Variants in SNX15 observed in about 807,000 individuals in gnomAD.
SNX15 encodes sorting nexin-15.
In SNX15, 29 loss-of-function variants were observed where a neutral mutation model predicts 35.2. The observed-to-expected ratio is 0.82, with a 90% CI of 0.61 to 1.12. SNX15 has a LOEUF of 1.12. Ranked by LOEUF, SNX15 falls within the 50% of genes most tolerant of loss-of-function variation. The pLI, the probability that SNX15 is intolerant of heterozygous loss-of-function variation, is 0.00. For synonymous variants in SNX15, 189 were observed against 188.2 expected (o/e 1.00, Z -0.03); for missense variants, 400 against 451.5 (o/e 0.89, Z 1.03).
chr11:65,038,521 C>T, intron 6 of SNX15, 51 bp from the exon 7 acceptor site: 2 of 1,500,730 alleles, frequency 1.3e-6, no homozygotes, highest in Non-Finnish European at 1.8e-6. Context: ...GGGCAGAGGG[C>T]CTGGGAAAGG....
chr11:65,035,094 G>C lies in SNX15; in HGVS notation c.408G>C (p.Arg136Ser). 1 of 1,612,216 alleles carries C rather than the reference G, an allele frequency of 6.2e-7. No individual in the cohort carries two copies. The highest frequency in any genetic ancestry group is 2.2e-5 in the East Asian group (1 of 44,808). The change falls in exon 5 of 8, where the codon AGG becomes AGC. Residue 136 changes from arginine to serine, a missense_variant. By Grantham distance (110) the Arg-to-Ser change is moderately radical. Transcript: ENST00000377244. ...GEVTRPLEVS[R>S]DLHILPPPLI... The stretch of plus-strand genomic sequence containing the variant: ...TGACCCGACCCTTGGAGGTGTCCAG[G>C]GACCTACACATCCTGCCACCCCCTC...
chr11:65,029,252 C>T lies in SNX15; in HGVS notation c.99+1616C>T, dbSNP rs925765401. 5.3e-5 allele frequency among the ~76,000 whole-genome samples: 8 copies of T among 151,300 alleles called. No individual in the cohort carries two copies. In the East Asian group the frequency reaches 5.9e-4, roughly 11 times the overall value. Reference sequence around the variant, plus strand: ...CAGCTCACTGCAAACTTCCGTCGCCCGGGTTCAGATTCTCCCACCTCAACC... The same window carrying T: ...CAGCTCACTGCAAACTTCCGTCGCCTGGGTTCAGATTCTCCCACCTCAACC... On this transcript the variant is annotated intron_variant, in intron 1 of 7. Transcript: ENST00000377244.
Position 65,039,855 on chromosome 11 carries a change from A to T in SNX15, c.*63A>T. The T allele has an allele frequency of 8.7e-7, 1 of 1,146,094 alleles. No homozygotes were observed. Among genetic ancestry groups the T allele is most frequent in the Non-Finnish European group, 1.3e-6 (1 of 776,614 alleles). 71.0% of individuals were successfully genotyped at this position (1,146,094 alleles called of 1,614,324 possible). A position where few individuals can be genotyped will look rare whatever the true frequency, so the allele number is the denominator to read the frequency against. On this transcript the variant is annotated 3_prime_UTR_variant, in exon 8 of 8. Coordinates refer to ENST00000377244, the MANE Select transcript of SNX15 (RefSeq NM_013306.5). The stretch of plus-strand genomic sequence containing the variant: ...ACTGCCAGCCCCTTCTCCTCTCCCC[A>T]GGGCCTGGCCCTACCTCCTGGTCTT...
chr11:65,029,026 G>A (rs936210540), intron 1 of SNX15, among the ~76,000 whole-genome samples: 1 of 152,048 alleles, frequency 6.6e-6, no homozygotes, highest in African/African-American at 2.4e-5. Flanking sequence ...GGGAGGTGGA[G>A]CTTGCAGTGA....
At chr11:65,039,113 C>G (rs746667039) in intron 7 of SNX15, among the ~76,000 whole-genome samples, 2 of 146,268 alleles carry the variant, frequency 1.4e-5, no homozygotes, top group African/African-American at 5.0e-5. Flanking sequence ...AACCTCCGCC[C>G]CCCAGGTTCA....
intron 3 of SNX15, among the ~76,000 whole-genome samples, chr11:65,032,844 A>T (rs1484875839): frequency 1.3e-5 from 2 of 151,928 alleles, no homozygotes; most frequent in Non-Finnish European, 2.9e-5. Flanking sequence ...AAGGAAAAAA[A>T]ATCCTGTCTT....
At position 65,040,041 on chromosome 11, in the gene SNX15, G is replaced by A. The variant is rs373625640; in HGVS notation, c.*249G>A. On this transcript the variant is annotated 3_prime_UTR_variant, in exon 8 of 8. Transcript: ENST00000377244. ...TTTTGAGTTGGAGTCTCGCTGTGTC[G>A]CCCAGACTGGAGTGCAGTGGTGGGA... The A allele has an allele frequency of 7.5e-5, 31 of 415,970 alleles. No homozygotes were observed. The highest frequency in any genetic ancestry group is 1.1e-4 in the Non-Finnish European group (25 of 225,210). The allele number at this position is 415,970 out of a possible 1,614,324, so 25.8% of individuals were successfully genotyped here. A position where few individuals can be genotyped will look rare whatever the true frequency, so the allele number is the denominator to read the frequency against.
chr11:65,028,960 G>C (rs1051383352), intron 1 of SNX15, among the ~76,000 whole-genome samples: 1 of 151,838 alleles, frequency 6.6e-6, no homozygotes, highest in African/African-American at 2.4e-5. Flanking sequence ...GCGTGGCAGC[G>C]TGCACCTGTA....
At chr11:65,038,893 C>T (rs763522834) in intron 7 of SNX15, 64 bp downstream of exon 7, 375 of 1,352,770 alleles carry the variant, frequency 2.8e-4, no homozygotes, top group Non-Finnish European at 3.5e-4. Context: ...ATGAAGGGAG[C>T]AAAAAAACAA....
chr11:65,029,666 T>A (rs1304096385), intron 1 of SNX15, among the ~76,000 whole-genome samples: 1 of 151,876 alleles, frequency 6.6e-6, no homozygotes, highest in Non-Finnish European at 1.5e-5. Flanking sequence ...AGCCTCCACC[T>A]CCTGGGTTCA....
rs142074663 is a variant in SNX15 at position 65,035,529 on chromosome 11, C to T, written c.530C>T (p.Pro177Leu). The change falls in exon 6 of 8, where the codon CCA (proline) becomes CTA (leucine). Residue 177 changes from proline to leucine, a missense_variant. Pro to Leu is a moderately conservative substitution (Grantham distance 98). Coordinates refer to ENST00000377244, the MANE Select transcript of SNX15 (RefSeq NM_013306.5). ...CTTATCTCTTCCTCAGTGGACCCCC[C>T]ACCATCCAGCCCTGCCCAGGAGGCC... ...LEELEVPVDP[P>L]PSSPAQEALD... 75 of 1,596,592 alleles carry T rather than the reference C, an allele frequency of 4.7e-5. No individual in the cohort carries two copies. The African/African-American group carries it at 1.0e-3, about 21-fold the overall frequency.
At position 65,039,771 on chromosome 11, in the gene SNX15, C is replaced by G; in HGVS notation, c.1008C>G (p.His336Gln). The change falls in exon 8 of 8, where the codon CAC becomes CAG. Residue 336 changes from histidine to glutamine, a missense_variant. Physicochemically the swap from His to Gln is conservative, Grantham distance 24. Transcript: ENST00000377244. ...LKRAEEILRLHLSQLPP is the reference protein window; with the variant it reads ...LKRAEEILRLQLSQLPP ...GGGCAGAGGAGATCCTGCGCCTGCACCTGTCTCAACTCCCACCCTAACAGG... is the reference window on the plus strand; with the variant it reads ...GGGCAGAGGAGATCCTGCGCCTGCAGCTGTCTCAACTCCCACCCTAACAGG... The G allele has an allele frequency of 6.2e-7, 1 of 1,612,356 alleles. No individual in the cohort carries two copies. The highest frequency in any genetic ancestry group is 8.5e-7 in the Non-Finnish European group (1 of 1,179,054).
At chr11:65,038,388 C>G in intron 6 of SNX15, 184 bp from the exon 7 acceptor site, 2 of 1,135,060 alleles carry the variant, frequency 1.8e-6, no homozygotes, top group Non-Finnish European at 2.3e-6. Flanking sequence ...GCACATGAAC[C>G]CTATCGATCA....
At position 65,034,879 on chromosome 11, in the gene SNX15, C is replaced by T. The variant is rs773720197; in HGVS notation, c.289C>T (p.Arg97Ter). Reference sequence around the variant, plus strand: ...TGAAGCCTCAGTGATCGAGGAGCGGCGAAAGGGGGCAGAGGACCTGCTTCG... The same window carrying T: ...TGAAGCCTCAGTGATCGAGGAGCGGTGAAAGGGGGCAGAGGACCTGCTTCG... ...RFEASVIEER[R>*]KGAEDLLRFT... Residue 97 changes from arginine to a stop codon, truncating the protein, a stop_gained, in exon 4 of 8, where the codon CGA becomes TGA. Coordinates refer to ENST00000377244, the MANE Select transcript of SNX15 (RefSeq NM_013306.5). LOFTEE classifies it high-confidence loss of function. 1.8e-5 allele frequency: 29 copies of T among 1,613,898 alleles called. No homozygotes were observed. Among genetic ancestry groups the T allele is most frequent in the African/African-American group, 5.3e-5 (4 of 74,916 alleles).
At chr11:65,028,892 GAC>G (rs1461913045) in intron 1 of SNX15, among the ~76,000 whole-genome samples, 3 of 151,828 alleles carry the variant, frequency 2.0e-5, no homozygotes, top group African/African-American at 7.3e-5. Flanking sequence ...AGGAGATCGA[GAC>G]CATCCTGGCT....
At chr11:65,035,244 G>T (rs771854844) in intron 5 of SNX15, 38 bp downstream of exon 5, 1 of 1,514,018 alleles carries the variant, frequency 6.6e-7, no homozygotes, top group Non-Finnish European at 8.8e-7. Flanking sequence ...GGGCTGGAGG[G>T]TGCAGAGTGG....
At chr11:65,033,766 G>A (rs1348034751) in intron 3 of SNX15, among the ~76,000 whole-genome samples, 3 of 151,886 alleles carry the variant, frequency 2.0e-5, no homozygotes, top group Admixed American at 2.0e-4. Context: ...CCAGTGGCAT[G>A]ATATCAGCTC....
At position 65,039,816 on chromosome 11, in the gene SNX15, ACT is replaced by A. The variant is rs1182738481; in HGVS notation, c.*28_*29del. ...AACAGGGAGTGGGCCATTCCCTGGGACTCTCGCTCCTGCACTGCCAGCCCCTT... is the reference window on the plus strand; with the variant it reads ...AACAGGGAGTGGGCCATTCCCTGGGACTCGCTCCTGCACTGCCAGCCCCTT... On this transcript the variant is annotated 3_prime_UTR_variant, in exon 8 of 8. Coordinates refer to ENST00000377244, the MANE Select transcript of SNX15 (RefSeq NM_013306.5). 4 of 1,526,826 alleles carry A rather than the reference ACT, an allele frequency of 2.6e-6. No homozygotes were observed. The Admixed American group carries it at 7.0e-5, about 27-fold the overall frequency. The allele number at this position is 1,526,826 out of a possible 1,614,324, so 94.6% of individuals were successfully genotyped here. A position where few individuals can be genotyped will look rare whatever the true frequency, so the allele number is the denominator to read the frequency against.
At chr11:65,039,266 C>T (rs1946546341) in intron 7 of SNX15, among the ~76,000 whole-genome samples, 1 of 151,276 alleles carries the variant, frequency 6.6e-6, no homozygotes, top group African/African-American at 2.4e-5. Flanking sequence ...CTCTGTCGCC[C>T]AGGCTGGAGT....
Sources: allele counts gnomAD v4.1 joint callset (sites outside exome capture counted in the v4.1 genomes callset), GRCh38; gene constraint gnomAD v4.1.1; transcripts MANE v1.5; gene names NCBI Gene and HGNC (gene_info 2026-07-23, HGNC 2026-07-21).